Variants in GABRA3 observed in about 807,000 individuals in gnomAD.
GABRA3 encodes the protein gamma-aminobutyric acid receptor subunit alpha-3.
In GABRA3, 10 loss-of-function variants were observed where a neutral mutation model predicts 30.1. The observed-to-expected ratio is 0.33, with a 90% CI of 0.20 to 0.56. The LOEUF (loss-of-function observed/expected upper bound fraction) is 0.56. Ranked by LOEUF, GABRA3 falls within the 20% of genes least tolerant of loss-of-function variation. The pLI is 0.89. For synonymous variants in GABRA3, 151 were observed against 146.8 expected (o/e 1.03, Z -0.21); for missense variants, 233 against 392.0 (o/e 0.59, Z 3.42).
intron 3 of GABRA3, among the ~76,000 whole-genome samples, chrX:152,313,531 G>A (rs1472530160): frequency 9.0e-6 from 1 of 111,577 alleles, no homozygotes; most frequent in Non-Finnish European, 1.9e-5. Flanking sequence ...TGTTCTCTCA[G>A]GTTTTTAAGG....
intron 3 of GABRA3, among the ~76,000 whole-genome samples, chrX:152,332,537 A>G (rs1464416487): frequency 8.9e-6 from 1 of 112,437 alleles, no homozygotes; most frequent in African/African-American, 3.2e-5. Context: ...TAGGTTATTT[A>G]CATAATTTAT....
At chrX:152,346,331 A>C (rs374071775) in intron 2 of GABRA3, among the ~76,000 whole-genome samples, 1 of 111,825 alleles carries the variant, frequency 8.9e-6, no homozygotes, top group African/African-American at 3.2e-5. Flanking sequence ...AATATACAAA[A>C]ATCACATCAA....
intron 4 of GABRA3, among the ~76,000 whole-genome samples, chrX:152,258,741 T>G (rs898296891): frequency 8.9e-6 from 1 of 111,763 alleles, no homozygotes; most frequent in Admixed American, 9.4e-5. Context: ...ACTTCTTAAA[T>G]GCAACAATAG....
At chrX:152,349,037 C>T (rs995843268) in intron 2 of GABRA3, among the ~76,000 whole-genome samples, 4 of 111,872 alleles carry the variant, frequency 3.6e-5, no homozygotes, top group Non-Finnish European at 7.5e-5. Context: ...GCTGTTTGGT[C>T]GCATTTTACC....
intron 5 of GABRA3, among the ~76,000 whole-genome samples, chrX:152,250,152 G>A: frequency 9.0e-6 from 1 of 111,382 alleles, no homozygotes; most frequent in Non-Finnish European, 1.9e-5. Context: ...TCCTTTTGCA[G>A]CTTTCTTTGA....
chrX:152,383,360 G>A (rs1268015157), intron 1 of GABRA3, among the ~76,000 whole-genome samples: 1 of 79,656 alleles, frequency 1.3e-5, no homozygotes, highest in Non-Finnish European at 2.2e-5. Flanking sequence ...CCGCACTCCA[G>A]CCTGGGTGAC....
chrX:152,304,772 C>T (rs988306932), intron 3 of GABRA3, among the ~76,000 whole-genome samples: 33 of 111,108 alleles, frequency 3.0e-4, no homozygotes, highest in African/African-American at 1.1e-3. Flanking sequence ...TGCTTTGGCT[C>T]CTCAGACTGT....
intron 1 of GABRA3, among the ~76,000 whole-genome samples, chrX:152,381,883 T>C (rs1309854970): frequency 8.9e-6 from 1 of 111,850 alleles, no homozygotes; most frequent in Non-Finnish European, 1.9e-5. Context: ...CATGAACTTA[T>C]TGTTTTTTAT....
chrX:152,188,892 GAA>G (rs1937289076), intron 9 of GABRA3, among the ~76,000 whole-genome samples: 1 of 111,718 alleles, frequency 9.0e-6, no homozygotes, highest in African/African-American at 3.3e-5. Context: ...CTAGCGACCT[GAA>G]CTTATTTAAA....
At chrX:152,271,618 G>C (rs762409364) in intron 4 of GABRA3, among the ~76,000 whole-genome samples, 2 of 112,596 alleles carry the variant, frequency 1.8e-5, no homozygotes, top group African/African-American at 3.2e-5. Context: ...AGAAATTTGT[G>C]TAAGTAATGA....
At chrX:152,426,326 T>G (rs1330102834) in intron 1 of GABRA3, among the ~76,000 whole-genome samples, 1 of 111,771 alleles carries the variant, frequency 8.9e-6, no homozygotes, top group Non-Finnish European at 1.9e-5. Flanking sequence ...TAGAATCATG[T>G]TTAGTATGTA....
intron 9 of GABRA3, chrX:152,171,511 A>G (rs1182275653): frequency 7.7e-6 from 1 of 129,558 alleles, no homozygotes; most frequent in African/African-American, 3.2e-5. Flanking sequence ...ATATTTACCC[A>G]TTTCTACACC....
intron 2 of GABRA3, among the ~76,000 whole-genome samples, chrX:152,350,641 C>G (rs907984818): frequency 4.0e-4 from 45 of 111,620 alleles, no homozygotes; most frequent in African/African-American, 1.4e-3. Context: ...TTGGAACCAA[C>G]TTCTTCCACA....
intron 1 of GABRA3, among the ~76,000 whole-genome samples, chrX:152,426,071 G>A (rs1457596947): frequency 2.7e-5 from 3 of 111,187 alleles, no homozygotes; most frequent in African/African-American, 9.8e-5. Flanking sequence ...AACTATAATT[G>A]TGGAAATGAG....
At chrX:152,284,877 T>C in intron 3 of GABRA3, 142 bp from the exon 4 acceptor site, 1 of 344,893 alleles carries the variant, frequency 2.9e-6, no homozygotes, top group South Asian at 3.8e-5. Flanking sequence ...TCATCTGTGC[T>C]ATCTCTTCAC....
intron 2 of GABRA3, among the ~76,000 whole-genome samples, chrX:152,346,604 T>C (rs1246654392): frequency 8.9e-6 from 1 of 111,792 alleles, no homozygotes; most frequent in East Asian, 2.8e-4. Context: ...GACAAAGAAT[T>C]AATAACCAGA....
At chrX:152,341,419 G>A (rs1442538176) in intron 3 of GABRA3, among the ~76,000 whole-genome samples, 1 of 110,549 alleles carries the variant, frequency 9.0e-6, no homozygotes, top group Non-Finnish European at 1.9e-5. Flanking sequence ...GGATCAAATG[G>A]TAGCTATACT....
intron 6 of GABRA3, among the ~76,000 whole-genome samples, chrX:152,219,050 CCCTTTAGGTTTT>C (rs1179306845): frequency 9.0e-6 from 1 of 111,062 alleles, no homozygotes; most frequent in Non-Finnish European, 1.9e-5. Context: ...ACAACACGTT[CCCTTTAGGTTTT>C]CTCATACGTC....
intron 8 of GABRA3, among the ~76,000 whole-genome samples, chrX:152,192,146 T>C (rs1377860164): frequency 8.9e-6 from 1 of 112,210 alleles, no homozygotes; most frequent in Middle Eastern, 4.2e-3. Context: ...CTCTAGTCTC[T>C]AGGGCTTAAT....
Sources: allele counts gnomAD v4.1 joint callset (sites outside exome capture counted in the v4.1 genomes callset), GRCh38; gene constraint gnomAD v4.1.1; transcripts MANE v1.5; gene names NCBI Gene and HGNC (gene_info 2026-07-23, HGNC 2026-07-21).